Variants in COL5A1 observed in about 807,000 individuals in gnomAD.
The protein encoded by COL5A1 is collagen alpha-1(V) chain.
In COL5A1, 16 loss-of-function variants were observed where a neutral mutation model predicts 263.7. The observed-to-expected ratio is 0.06, with a 90% CI of 0.04 to 0.09. The LOEUF is 0.09. COL5A1 is among the 10% of genes least tolerant of loss of function. The pLI is 1.00. For missense variants in COL5A1, 2,036 were observed against 2,540.5 expected, an observed-to-expected ratio of 0.80 and a Z score of 4.27; for synonymous variants, 1,012 against 1,004.5, an observed-to-expected ratio of 1.01 and a Z score of -0.14.
chr9:134,785,888 C>T (rs1837440305), intron 30 of COL5A1, 107 bp from the exon 31 acceptor site: 1 of 1,051,822 alleles, frequency 9.5e-7, no homozygotes, highest in Non-Finnish European at 1.4e-6. Flanking sequence ...CTGGAAACCA[C>T]ACCCTCCTCC....
intron 42 of COL5A1, among the ~76,000 whole-genome samples, 190 bp downstream of exon 42, chr9:134,806,486 A>G (rs1838301364): frequency 2.0e-5 from 3 of 152,006 alleles, no homozygotes; most frequent in African/African-American, 7.3e-5. Flanking sequence ...TGAGGAGCAC[A>G]GGAGGAGTCC....
intron 26 of COL5A1, among the ~76,000 whole-genome samples, chr9:134,774,511 G>T (rs748858632): frequency 2.3e-4 from 35 of 152,350 alleles, no homozygotes; most frequent in South Asian, 8.3e-4. Flanking sequence ...CTTAGGCTGG[G>T]AATGCATTTC....
At chr9:134,815,527 CA>C in intron 50 of COL5A1, 48 bp from the exon 51 acceptor site, 1 of 1,588,436 alleles carries the variant, frequency 6.3e-7, no homozygotes, top group East Asian at 2.3e-5. Flanking sequence ...TGTGTGGTCT[CA>C]GTCAGGTTGC....
intron 28 of COL5A1, among the ~76,000 whole-genome samples, chr9:134,782,327 T>G (rs534354305): frequency 6.6e-6 from 1 of 152,234 alleles, no homozygotes; most frequent in Admixed American, 6.5e-5. Flanking sequence ...GCTTCAGTGC[T>G]GATGGGACGC....
intron 2 of COL5A1, among the ~76,000 whole-genome samples, chr9:134,695,472 G>A (rs1012677563): frequency 2.0e-5 from 3 of 150,200 alleles, no homozygotes; most frequent in African/African-American, 7.4e-5. Context: ...AGGGACGGCC[G>A]AACAGGGTGC....
chr9:134,822,954 G>A, intron 59 of COL5A1, 44 bp from the exon 60 acceptor site: 2 of 1,613,402 alleles, frequency 1.2e-6, no homozygotes, highest in South Asian at 1.1e-5. Context: ...TGGGGCTGGA[G>A]CTGAGACCCG....
intron 14 of COL5A1, 61 bp downstream of exon 14, chr9:134,752,706 C>G: frequency 7.4e-7 from 1 of 1,349,822 alleles, no homozygotes; most frequent in Non-Finnish European, 1.1e-6. Flanking sequence ...CTCCCTGTGT[C>G]GTTGGCGGAC....
In COL5A1 at chr9:134,730,388, G is replaced by T; in HGVS notation, c.1077G>T (p.Glu359Asp). Residue 359 changes from glutamate (E) to aspartate (D), a missense_variant, in exon 7 of 66, where the codon GAG (glutamate) becomes GAT (aspartate). Glu to Asp is a conservative substitution (Grantham distance 45). Coordinates refer to ENST00000371817, the MANE Select transcript of COL5A1 (RefSeq NM_000093.5). ...PSPYDDLTYG[E>D]GEENPDQPTD... ...CGTATGATGACCTCACCTATGGCGA[G>T]GGGGAGGAGAACCCCGACCAGCCCA... The T allele has an allele frequency of 6.2e-7, 1 of 1,614,216 alleles. No homozygotes were observed.
At chr9:134,806,086 C>T in intron 41 of COL5A1, 103 bp from the exon 42 acceptor site, 1 of 863,796 alleles carries the variant, frequency 1.2e-6, no homozygotes, top group Non-Finnish European at 1.9e-6. Context: ...ACTGTGGGCT[C>T]TAGAGTGAGC....
rs377325113 is a variant in COL5A1, at chr9:134,815,931, A to G, written c.4069-4A>G. The stretch of plus-strand genomic sequence containing the variant: ...CAGCAAGGAGCTCGCTTTTGCCTCC[A>G]TAGGGTCAAGATGGTCCCCCTGGTG... On this transcript the variant is annotated splice_region_variant and splice_polypyrimidine_tract_variant and intron_variant, in intron 51 of 65. Transcript: ENST00000371817. The G allele has an allele frequency of 3.1e-6, 5 of 1,614,006 alleles. No individual in the cohort carries two copies. Among genetic ancestry groups the G allele is most frequent in the African/African-American group, 2.7e-5 (2 of 74,920 alleles).
At position 134,758,267 on chromosome 9, in the gene COL5A1, G is replaced by C. The variant is rs1401857518; in HGVS notation, c.1906G>C (p.Ala636Pro). ...PKGDRGFDGL[A>P]GLPGEKGHRG... ...GGGTGACCGGGGTTTCGACGGCCTG[G>C]CTGGGTTGCCAGGCGAGAAGGGCCA... Residue 636 changes from alanine (A) to proline (P), a missense_variant, in exon 18 of 66, where the codon GCT (alanine) becomes CCT (proline). Transcript: ENST00000371817. The surrounding 1 kb of genome is among the most constrained non-coding windows in gnomAD (Gnocchi z 4.1). The C allele has an allele frequency of 6.2e-7, 1 of 1,613,920 alleles. No individual in the cohort carries two copies. The highest frequency in any genetic ancestry group is 8.5e-7 in the Non-Finnish European group (1 of 1,180,006).
Position 134,818,684 on chromosome 9 carries a change from G to A in COL5A1, c.4259G>A (p.Gly1420Glu), listed in dbSNP as rs1411367765. 1 of 1,609,376 alleles carries A rather than the reference G, an allele frequency of 6.2e-7. No individual in the cohort carries two copies. The highest frequency in any genetic ancestry group is 8.5e-7 in the Non-Finnish European group (1 of 1,178,682). ...KGEAGLEGPP[G>E]KTGPIGPQGA... is the part of the protein sequence containing the mutation. ...GAAGCCGGCTTGGAAGGCCCTCCTG[G>A]GAAGACTGGCCCCATCGGCCCCCAG... Residue 1420 changes from glycine (G) to glutamate (E), a missense_variant, in exon 55 of 66, where the codon GGG becomes GAG. Transcript: ENST00000371817. The surrounding 1 kb of genome is among the most constrained non-coding windows in gnomAD (Gnocchi z 6.0).
At chr9:134,809,316 G>T in intron 43 of COL5A1, 26 bp downstream of exon 43, 1 of 1,519,610 alleles carries the variant, frequency 6.6e-7, no homozygotes, top group Non-Finnish European at 9.1e-7. Flanking sequence ...AGTGACCCAT[G>T]GCTGGGCCTG....
intron 1 of COL5A1, among the ~76,000 whole-genome samples, chr9:134,644,591 G>GA (rs562703110): frequency 6.8e-6 from 1 of 146,490 alleles, no homozygotes; most frequent in Admixed American, 6.7e-5. Context: ...GGCAGGCGCG[G>GA]GGGGGAGCCA....
chr9:134,686,477 C>T lies in COL5A1; in HGVS notation c.110-4435C>T, dbSNP rs534267961. ...ATGTTGCCCAGGTTGATCTCCAACT[C>T]CCGAGCTCAAGCCATCTGCCTGCCT... On this transcript the variant is annotated intron_variant, in intron 1 of 65. Transcript: ENST00000371817. The surrounding 1 kb of genome is among the most constrained non-coding windows in gnomAD (Gnocchi z 4.6). 6.6e-6 allele frequency among the ~76,000 whole-genome samples: 1 copy of T among 152,260 alleles called. No homozygotes were observed. Among genetic ancestry groups the T allele is most frequent in the South Asian group, 2.1e-4 (1 of 4,810 alleles).
At chr9:134,835,619 T>G (rs1319017403) in intron 65 of COL5A1, among the ~76,000 whole-genome samples, 2 of 152,188 alleles carry the variant, frequency 1.3e-5, no homozygotes, top group African/African-American at 4.8e-5. Flanking sequence ...CACGGCCGTC[T>G]GGAAACACTG....
chr9:134,759,347 C>T (rs1396285133), intron 18 of COL5A1, among the ~76,000 whole-genome samples: 2 of 143,186 alleles, frequency 1.4e-5, no homozygotes, highest in South Asian at 2.3e-4. Flanking sequence ...CACACACACA[C>T]ACCCACATTC....
At position 134,765,908 on chromosome 9, in the gene COL5A1, C is replaced by G. The variant is rs866898609; in HGVS notation, c.2088+174C>G. On this transcript the variant is annotated intron_variant, in intron 21 of 65. Coordinates refer to ENST00000371817, the MANE Select transcript of COL5A1 (RefSeq NM_000093.5). The surrounding 1 kb of genome is among the most constrained non-coding windows in gnomAD (Gnocchi z 5.1). ...CACTGATGTTCAGACGCTGTAGACACGGCCCCAGCAGGTGTGGCCTTGCAG... is the reference window on the plus strand; with the variant it reads ...CACTGATGTTCAGACGCTGTAGACAGGGCCCCAGCAGGTGTGGCCTTGCAG... Among the ~76,000 whole-genome samples, 1 of 152,246 alleles carries G rather than the reference C, an allele frequency of 6.6e-6. No individual in the cohort carries two copies. Among genetic ancestry groups the G allele is most frequent in the African/African-American group, 2.4e-5 (1 of 41,472 alleles).
At chr9:134,684,976 A>C (rs1281197265) in intron 1 of COL5A1, among the ~76,000 whole-genome samples, 198 of 47,440 alleles carry the variant, frequency 4.2e-3, no homozygotes, top group Middle Eastern at 0.013. Flanking sequence ...TCCATCCATT[A>C]ATTCATCCAT....
Sources: gnomAD v4.1 joint callset for allele counts (sites outside exome capture counted in the v4.1 genomes callset) on GRCh38, gnomAD v4.1.1 for gene constraint, Gnocchi (gnomAD v3.1) non-coding constraint, MANE v1.5 for transcripts, NCBI Gene and HGNC (gene_info 2026-07-23, HGNC 2026-07-21) for gene names.